Variants in POP1 observed in about 807,000 individuals in gnomAD.
The protein encoded by POP1 is POP1 ribonuclease P/MRP subunit.
In POP1, 75 loss-of-function variants were observed where a neutral mutation model predicts 102.2. That is an observed-to-expected ratio of 0.73 (90% CI 0.61 to 0.89). The LOEUF (loss-of-function observed/expected upper bound fraction) is 0.89. POP1 is among the 40% of genes least tolerant of loss of function. The pLI is 0.00. For missense variants in POP1, 1,116 were observed against 1,267.4 expected (o/e 0.88, Z 1.81); for synonymous variants, 436 against 464.1 (o/e 0.94, Z 0.78).
intron 14 of POP1, among the ~76,000 whole-genome samples, chr8:98,151,305 A>C (rs557718201): frequency 6.6e-6 from 1 of 152,224 alleles, no homozygotes; most frequent in African/African-American, 2.4e-5. Flanking sequence ...TGGTCTCGAT[A>C]CCAATTTTCC....
chr8:98,131,106 A>G (rs1294321267), intron 5 of POP1, among the ~76,000 whole-genome samples: 2 of 152,258 alleles, frequency 1.3e-5, no homozygotes, highest in Admixed American at 6.5e-5. Flanking sequence ...TTTTTAAAAA[A>G]TTGTGGTCAA....
Position 98,139,085 on chromosome 8 carries a change from A to C in POP1, c.1363-993A>C, listed in dbSNP as rs59194046. 6.6e-3 allele frequency among the ~76,000 whole-genome samples: 999 copies of C among 152,214 alleles called. 10 individuals are homozygous for C. Among genetic ancestry groups the C allele is most frequent in the African/African-American group, 0.023 (947 of 41,538 alleles). ...AGGCTGGTCTCGAACTCCTGGCCTC[A>C]AGTGACCCGCCTGCCTCGGCCTACC... On this transcript the variant is annotated intron_variant, in intron 9 of 15. Coordinates refer to ENST00000401707, the MANE Select transcript of POP1 (RefSeq NM_001145860.2).
rs1028657161 is a variant in POP1 at position 98,157,788 on chromosome 8, C to T, written c.2592C>T (p.Leu864=). The T allele has an allele frequency of 3.7e-6, 6 of 1,614,200 alleles. No individual in the cohort carries two copies. Among genetic ancestry groups the T allele is most frequent in the Middle Eastern group, 3.3e-4 (2 of 6,062 alleles). Reference sequence around the variant, plus strand: ...TGGTTTGGGTCAGCCTGTCCCTGCTCAGCAAGGGCAGCCCCGAGCCTCACA... The same window carrying T: ...TGGTTTGGGTCAGCCTGTCCCTGCTTAGCAAGGGCAGCCCCGAGCCTCACA... ...RALVWVSLSL[L]SKGSPEPHTM... is the part of the protein sequence containing the mutation. The change falls in exon 16 of 16, where the codon CTC becomes CTT. Residue 864 remains leucine (L), a synonymous_variant. Transcript: ENST00000401707.
intron 5 of POP1, among the ~76,000 whole-genome samples, chr8:98,131,887 G>A (rs1187042093): frequency 6.6e-6 from 1 of 152,162 alleles, no homozygotes; most frequent in Non-Finnish European, 1.5e-5. Flanking sequence ...ATAGATAATA[G>A]TCAAGTTCCT....
intron 11 of POP1, among the ~76,000 whole-genome samples, chr8:98,145,604 T>C (rs1816822234): frequency 6.6e-6 from 1 of 152,112 alleles, no homozygotes; most frequent in African/African-American, 2.4e-5. Context: ...ACTGAAAATA[T>C]GTTTATTTTA....
intron 4 of POP1, 23 bp from the exon 5 acceptor site, chr8:98,129,955 T>C (rs374308471): frequency 1.2e-5 from 20 of 1,613,044 alleles, no homozygotes; most frequent in Non-Finnish European, 1.7e-5. Context: ...AACTGGGATA[T>C]GTCCCTCTAC....
intron 11 of POP1, among the ~76,000 whole-genome samples, chr8:98,143,800 A>G (rs1168452573): frequency 1.3e-5 from 2 of 152,154 alleles, no homozygotes; most frequent in Non-Finnish European, 2.9e-5. Flanking sequence ...TATAATTGGA[A>G]TCATACAATA....
At chr8:98,142,406 A>G (rs956808255) in intron 11 of POP1, among the ~76,000 whole-genome samples, 1 of 152,218 alleles carries the variant, frequency 6.6e-6, no homozygotes, top group Non-Finnish European at 1.5e-5. Context: ...GTGATAATGC[A>G]TATTCTTAGA....
At chr8:98,129,886 T>G (rs992099272) in intron 4 of POP1, 92 bp from the exon 5 acceptor site, 2 of 1,425,542 alleles carry the variant, frequency 1.4e-6, no homozygotes, top group Non-Finnish European at 2.0e-6. Context: ...AATATTCCAC[T>G]TAATCTAAAG....
At chr8:98,125,161 T>C (rs1282538092) in intron 2 of POP1, among the ~76,000 whole-genome samples, 1 of 150,240 alleles carries the variant, frequency 6.7e-6, no homozygotes, top group East Asian at 1.9e-4. Context: ...TACTGATCTC[T>C]CCCTTAATTT....
chr8:98,145,238 T>G (rs1816812423), intron 11 of POP1, among the ~76,000 whole-genome samples: 1 of 152,176 alleles, frequency 6.6e-6, no homozygotes, highest in South Asian at 2.1e-4. Context: ...ATCAACTTAA[T>G]TTTTTCTAAC....
intron 9 of POP1, among the ~76,000 whole-genome samples, chr8:98,137,172 A>G (rs936879771): frequency 3.9e-5 from 6 of 152,226 alleles, no homozygotes; most frequent in Non-Finnish European, 7.3e-5. Flanking sequence ...TTCTTACTTA[A>G]ATACAGACTG....
Position 98,140,753 on chromosome 8 carries a change from TTTG to T in POP1, c.1475-7_1475-5del, listed in dbSNP as rs765931373. On this transcript the variant is annotated splice_polypyrimidine_tract_variant and intron_variant, in intron 10 of 15. Coordinates refer to ENST00000401707, the MANE Select transcript of POP1 (RefSeq NM_001145860.2). ...ATGAATGACTTTCTGTAAACTTCTT[TTTG>T]TTGTTGTTAAAGGAATAACATCACC... 3.7e-6 allele frequency: 6 copies of T among 1,613,244 alleles called. No homozygotes were observed. The highest frequency in any genetic ancestry group is 5.1e-6 in the Non-Finnish European group (6 of 1,179,228).
At chr8:98,131,065 G>A (rs1816366194) in intron 5 of POP1, among the ~76,000 whole-genome samples, 2 of 152,234 alleles carry the variant, frequency 1.3e-5, no homozygotes, top group African/African-American at 2.4e-5. Context: ...CCCCTTGAGA[G>A]TAATGTGGTA....
At chr8:98,133,915 C>A in intron 5 of POP1, 34 bp from the exon 6 acceptor site, 1 of 1,537,146 alleles carries the variant, frequency 6.5e-7, no homozygotes, top group Non-Finnish European at 9.0e-7. Flanking sequence ...GTGTAAATTC[C>A]TAAGTACTTA....
intron 14 of POP1, among the ~76,000 whole-genome samples, chr8:98,153,526 T>A (rs1332687506): frequency 7.3e-6 from 1 of 137,914 alleles, no homozygotes; most frequent in Non-Finnish European, 1.5e-5. Context: ...TACAAACAGT[T>A]CTGACTCTTT....
In POP1 at chr8:98,127,312, G is replaced by A. The variant is rs370159209; in HGVS notation, c.143-283G>A. Among the ~76,000 whole-genome samples the A allele has an allele frequency of 2.4e-4, 36 of 152,190 alleles. 1 individual carries two copies. The East Asian group carries it at 5.4e-3, about 23-fold the overall frequency. On this transcript the variant is annotated intron_variant, in intron 2 of 15. Coordinates refer to ENST00000401707, the MANE Select transcript of POP1 (RefSeq NM_001145860.2). ...TTAGATTTGAAATTCATGTTGCACCGTTTATAGGAGAAAATTTCACCTGTA... is the reference window on the plus strand; with the variant it reads ...TTAGATTTGAAATTCATGTTGCACCATTTATAGGAGAAAATTTCACCTGTA...
rs10104260 is a variant in POP1, at chr8:98,158,647, A to C, written c.*376A>C. ...TCATAGTCATGTGATAAGCAACAATAGATGTTTAATGATTTCACTGTTATA... is the reference window on the plus strand; with the variant it reads ...TCATAGTCATGTGATAAGCAACAATCGATGTTTAATGATTTCACTGTTATA... On this transcript the variant is annotated 3_prime_UTR_variant, in exon 16 of 16. Transcript: ENST00000401707. The C allele has an allele frequency of 0.022, 4,879 of 225,516 alleles. 188 individuals carry two copies. The highest frequency in any genetic ancestry group is 0.085 in the African/African-American group (3,613 of 42,710). 14.0% of individuals were successfully genotyped at this position (225,516 alleles called of 1,614,324 possible).
chr8:98,149,778 A>T (rs1463948086), intron 13 of POP1, among the ~76,000 whole-genome samples: 1 of 148,498 alleles, frequency 6.7e-6, no homozygotes, highest in Non-Finnish European at 1.5e-5. Context: ...TAAATAAAAT[A>T]AATAAGTAAA....
Sources: gnomAD v4.1 joint callset for allele counts (sites outside exome capture counted in the v4.1 genomes callset) on GRCh38, gnomAD v4.1.1 for gene constraint, MANE v1.5 for transcripts, NCBI Gene and HGNC (gene_info 2026-07-23, HGNC 2026-07-21) for gene names.